CADPS: variants seen among roughly 807,000 people sequenced by gnomAD.
The protein encoded by CADPS is calcium dependent secretion activator.
CADPS carries 57 observed loss-of-function variants against 167.3 expected under a neutral mutation model. The ratio of observed to expected loss-of-function variants is 0.34; its 90% CI spans 0.28 to 0.42. The LOEUF is 0.42. Ranked by LOEUF, CADPS falls within the 20% of genes least tolerant of loss-of-function variation. The pLI is 1.00. For synonymous variants in CADPS, 676 were observed against 635.3 expected (o/e 1.06, Z -0.96); for missense variants, 1,414 against 1,738.1 (o/e 0.81, Z 3.32).
At chr3:62,477,519 G>T (rs2061481364) in intron 23 of CADPS, among the ~76,000 whole-genome samples, 2 of 152,134 alleles carry the variant, frequency 1.3e-5, no homozygotes, top group Non-Finnish European at 2.9e-5. Flanking sequence ...ACTTAGCCCT[G>T]TGCCTGGCAT....
chr3:62,591,149 C>T (rs1032453279), intron 7 of CADPS, among the ~76,000 whole-genome samples: 4 of 152,150 alleles, frequency 2.6e-5, no homozygotes, highest in Non-Finnish European at 4.4e-5. Context: ...TGAGCCACCG[C>T]GCCTGGCTGA....
In CADPS at chr3:62,525,759, G is replaced by A. The variant is rs1253857995; in HGVS notation, c.2291+7112C>T. ...CACGGGTATGAGAAAGAGAGAGGAC[G>A]GAGTTAGAGTGAAAGAAAAAAATGT... On this transcript the variant is annotated intron_variant, in intron 13 of 29. Transcript: ENST00000383710. 4.0e-5 allele frequency among the ~76,000 whole-genome samples: 6 copies of A among 151,798 alleles called. No individual in the cohort carries two copies. The East Asian group carries it at 5.8e-4, about 15-fold the overall frequency.
chr3:62,783,883 GAA>G (rs2092087758), intron 1 of CADPS, among the ~76,000 whole-genome samples: 1 of 152,136 alleles, frequency 6.6e-6, no homozygotes, highest in African/African-American at 2.4e-5. Flanking sequence ...GAGAAGGAGA[GAA>G]ATACACACAA....
At chr3:62,799,807 C>A (rs1272750506) in intron 1 of CADPS, among the ~76,000 whole-genome samples, 7 of 152,130 alleles carry the variant, frequency 4.6e-5, no homozygotes. Flanking sequence ...ACCACCACCA[C>A]CATCACAGTT....
chr3:62,734,671 T>C (rs980061190), intron 3 of CADPS, among the ~76,000 whole-genome samples: 22 of 152,196 alleles, frequency 1.4e-4, no homozygotes, highest in African/African-American at 5.1e-4. Context: ...GTTACTGTAT[T>C]CTATTGTATG....
At chr3:62,614,655 T>C (rs1013174208) in intron 6 of CADPS, among the ~76,000 whole-genome samples, 1 of 152,232 alleles carries the variant, frequency 6.6e-6, no homozygotes, top group East Asian at 1.9e-4. Context: ...GGGAGTGATA[T>C]AATGATTACT....
intron 1 of CADPS, among the ~76,000 whole-genome samples, chr3:62,784,502 G>A (rs2092187522): frequency 6.6e-6 from 1 of 152,142 alleles, no homozygotes; most frequent in Non-Finnish European, 1.5e-5. Flanking sequence ...AATTGTCACT[G>A]ATGGATATTA....
Position 62,465,597 on chromosome 3 carries a change from AG to A in CADPS, c.3553-148del. ...TTATTTGATTCCCGCCTTCGGAGAA[AG>A]GAATAGACTGCCTTTACATAGAAAT... On this transcript the variant is annotated intron_variant, in intron 25 of 29. Transcript: ENST00000383710. The surrounding 1 kb of genome is among the most constrained non-coding windows in gnomAD (Gnocchi z 4.1). 1.9e-6 allele frequency: 1 copy of A among 534,502 alleles called. No homozygotes were observed. 33.1% of individuals were successfully genotyped at this position (534,502 alleles called of 1,614,324 possible). A position where few individuals can be genotyped will look rare whatever the true frequency, so the allele number is the denominator to read the frequency against.
chr3:62,536,299 T>C lies in CADPS; in HGVS notation c.2103+146A>G, dbSNP rs190866557. The C allele has an allele frequency of 1.1e-4, 80 of 700,254 alleles. No homozygotes were observed. In the African/African-American group the frequency reaches 1.3e-3, roughly 11 times the overall value. The allele number at this position is 700,254 out of a possible 1,614,324, so 43.4% of individuals were successfully genotyped here. A position where few individuals can be genotyped will look rare whatever the true frequency, so the allele number is the denominator to read the frequency against. On this transcript the variant is annotated intron_variant, in intron 12 of 29. Coordinates refer to ENST00000383710, the MANE Select transcript of CADPS (RefSeq NM_003716.4). ...CTTGTTTCTTTGGTAAGTAAAACTA[T>C]CTCAACCCAGGAAATCGGGAACACA...
chr3:62,533,854 T>G (rs1356289860), intron 12 of CADPS, among the ~76,000 whole-genome samples: 1 of 152,252 alleles, frequency 6.6e-6, no homozygotes, highest in African/African-American at 2.4e-5. Context: ...TGAGAGGAAC[T>G]TCTTGTGTCC....
intron 1 of CADPS, among the ~76,000 whole-genome samples, chr3:62,834,013 G>T (rs1414647544): frequency 6.6e-6 from 1 of 152,142 alleles, no homozygotes; most frequent in Non-Finnish European, 1.5e-5. Context: ...TGATTATAAT[G>T]ATTCATATTT....
chr3:62,499,118 C>A, intron 18 of CADPS, 44 bp downstream of exon 18: 1 of 1,235,648 alleles, frequency 8.1e-7, no homozygotes, highest in Non-Finnish European at 1.2e-6. Context: ...TCTGCAAGCT[C>A]AGCTAAGGGA....
At chr3:62,757,219 A>G (rs1575938420) in intron 2 of CADPS, among the ~76,000 whole-genome samples, 2 of 152,164 alleles carry the variant, frequency 1.3e-5, no homozygotes, top group Non-Finnish European at 2.9e-5. Context: ...CTCTACATCT[A>G]TGCACATTAG....
chr3:62,693,722 T>C (rs748381476), intron 3 of CADPS, among the ~76,000 whole-genome samples: 2 of 151,422 alleles, frequency 1.3e-5, no homozygotes, highest in Non-Finnish European at 2.9e-5. Context: ...GAGGCAGAGG[T>C]TGTAGTGAGC....
At chr3:62,556,543 T>C (rs1022610438) in intron 10 of CADPS, among the ~76,000 whole-genome samples, 2 of 152,234 alleles carry the variant, frequency 1.3e-5, no homozygotes, top group African/African-American at 4.8e-5. Flanking sequence ...TTGGAAATGC[T>C]TTCCTTGTGC....
At chr3:62,692,573 C>G (rs1226976944) in intron 3 of CADPS, among the ~76,000 whole-genome samples, 2 of 152,052 alleles carry the variant, frequency 1.3e-5, no homozygotes, top group Admixed American at 6.6e-5. Context: ...CTACATCTCA[C>G]TGGCCTATCA....
At chr3:62,557,258 G>T (rs140108524) in intron 10 of CADPS, 147 bp downstream of exon 10, 48 of 626,348 alleles carry the variant, frequency 7.7e-5, no homozygotes, top group South Asian at 5.8e-4. Context: ...TAATATCAGG[G>T]ATTGTGACTG....
Position 62,512,748 on chromosome 3 carries a change from C to T in CADPS, c.2599+3G>A. 6.2e-7 allele frequency: 1 copy of T among 1,604,390 alleles called. No homozygotes were observed. Among genetic ancestry groups the T allele is most frequent in the Non-Finnish European group, 8.5e-7 (1 of 1,173,488 alleles). ...ATTTATAATGCATATACAATTGGTT[C>T]ACCTGCATCCTTTTGATTCTCTATT... On this transcript the variant is annotated splice_donor_region_variant and intron_variant, in intron 17 of 29. Transcript: ENST00000383710.
intron 24 of CADPS, chr3:62,473,869 G>A (rs763788182): frequency 7.5e-5 from 18 of 238,524 alleles, no homozygotes; most frequent in Non-Finnish European, 1.4e-4. Context: ...GGCAAACACA[G>A]ATCTGTTCGA....
Sources: allele counts gnomAD v4.1 joint callset (sites outside exome capture counted in the v4.1 genomes callset), GRCh38; gene constraint gnomAD v4.1.1; non-coding constraint Gnocchi (gnomAD v3.1); transcripts MANE v1.5; gene names NCBI Gene and HGNC (gene_info 2026-07-23, HGNC 2026-07-21).